The following PTCHD4 variants were observed in gnomAD, a reference collection of about 807,000 sequenced individuals.
PTCHD4 encodes patched domain containing 4, also known as patched domain-containing protein 4.
Under a neutral mutation model 58.1 loss-of-function variants are expected in PTCHD4, and 33 were observed. The observed-to-expected ratio is 0.57, with a 90% CI of 0.43 to 0.76. The LOEUF (loss-of-function observed/expected upper bound fraction) is 0.76. Ranked by LOEUF, PTCHD4 falls within the 30% of genes least tolerant of loss-of-function variation. The pLI is 0.00. For synonymous variants in PTCHD4, 478 were observed against 409.6 expected, an observed-to-expected ratio of 1.17 and a Z score of -2.02; for missense variants, 1,058 against 1,027.1, an observed-to-expected ratio of 1.03 and a Z score of -0.41.
At chr6:47,909,735 C>T (rs771865118) in intron 4 of PTCHD4, among the ~76,000 whole-genome samples, 2 of 152,086 alleles carry the variant, frequency 1.3e-5, no homozygotes, top group Non-Finnish European at 2.9e-5. Context: ...AGCCACCATG[C>T]CTGGACTTTT....
intron 3 of PTCHD4, among the ~76,000 whole-genome samples, chr6:48,009,887 C>T (rs1228755992): frequency 6.6e-6 from 1 of 152,042 alleles, no homozygotes; most frequent in African/African-American, 2.4e-5. Context: ...CAGAGTTTGA[C>T]ATGAGGTAGA....
At chr6:48,104,617 T>A (rs1439994466) in intron 1 of PTCHD4, among the ~76,000 whole-genome samples, 1 of 152,202 alleles carries the variant, frequency 6.6e-6, no homozygotes, top group Non-Finnish European at 1.5e-5. Flanking sequence ...ACCTTAAATG[T>A]AAATGGGCTA....
At chr6:47,980,459 C>T (rs374981402) in intron 4 of PTCHD4, among the ~76,000 whole-genome samples, 1 of 152,022 alleles carries the variant, frequency 6.6e-6, no homozygotes, top group African/African-American at 2.4e-5. Context: ...TTATGTAAAA[C>T]CTTGAAAATT....
chr6:48,072,824 C>T (rs1281410812), intron 1 of PTCHD4, among the ~76,000 whole-genome samples: 1 of 152,042 alleles, frequency 6.6e-6, no homozygotes, highest in Non-Finnish European at 1.5e-5. Context: ...TTCCTGCAAC[C>T]TCCCATTTCT....
intron 3 of PTCHD4, among the ~76,000 whole-genome samples, chr6:48,030,957 G>C (rs937017195): frequency 2.6e-5 from 4 of 152,060 alleles, no homozygotes; most frequent in African/African-American, 9.7e-5. Flanking sequence ...TAATGGATAA[G>C]ACTATCTGAT....
At chr6:48,106,541 C>G (rs1407646206) in intron 1 of PTCHD4, among the ~76,000 whole-genome samples, 1 of 152,130 alleles carries the variant, frequency 6.6e-6, no homozygotes, top group African/African-American at 2.4e-5. Context: ...AAAACTGGCA[C>G]AAGACAGGGA....
Position 48,069,085 on chromosome 6 carries a change from G to A in PTCHD4, c.-128C>T, listed in dbSNP as rs928149176. Among the ~76,000 whole-genome samples, 17 of 140,584 alleles carry A rather than the reference G, an allele frequency of 1.2e-4. No homozygotes were observed. The highest frequency in any genetic ancestry group is 9.6e-4 in the Admixed American group (13 of 13,592). The allele number at this position is 140,584 out of a possible 152,430, so 92.2% of individuals were successfully genotyped here. On this transcript the variant is annotated 5_prime_UTR_variant, in exon 2 of 5. Coordinates refer to ENST00000339488, the MANE Select transcript of PTCHD4 (RefSeq NM_001384253.1). ...CCTCTCTGTCTTGGTGGGGTTCGGTGCCTAACTGGAACCATGTGCCTCGGT... is the reference window on the plus strand; with the variant it reads ...CCTCTCTGTCTTGGTGGGGTTCGGTACCTAACTGGAACCATGTGCCTCGGT...
intron 4 of PTCHD4, among the ~76,000 whole-genome samples, chr6:47,997,201 T>G (rs1347359334): frequency 6.6e-6 from 1 of 152,178 alleles, no homozygotes; most frequent in African/African-American, 2.4e-5. Context: ...GTGATCTTAT[T>G]TGGTTTTCAT....
chr6:48,001,938 A>G (rs1264279664), intron 4 of PTCHD4, among the ~76,000 whole-genome samples: 4 of 152,252 alleles, frequency 2.6e-5, no homozygotes. Context: ...CCCCATCAAC[A>G]AGTGGGTGAA....
intron 1 of PTCHD4, among the ~76,000 whole-genome samples, chr6:48,105,149 A>C (rs1406385758): frequency 1.3e-5 from 2 of 152,202 alleles, no homozygotes; most frequent in Non-Finnish European, 2.9e-5. Context: ...CAGAATATAC[A>C]TTCTTTTCAG....
intron 4 of PTCHD4, among the ~76,000 whole-genome samples, chr6:47,927,357 T>C (rs553413719): frequency 1.3e-5 from 2 of 152,286 alleles, no homozygotes; most frequent in African/African-American, 2.4e-5. Context: ...CCGTAGCCTA[T>C]CTGCAAGATG....
intron 4 of PTCHD4, among the ~76,000 whole-genome samples, chr6:47,934,157 G>A (rs1399751851): frequency 6.6e-6 from 1 of 152,122 alleles, no homozygotes; most frequent in African/African-American, 2.4e-5. Context: ...CCCACTGATG[G>A]GGAGCCTCAG....
chr6:47,881,471 A>G (rs1324143894), intron 4 of PTCHD4, among the ~76,000 whole-genome samples: 1 of 152,146 alleles, frequency 6.6e-6, no homozygotes, highest in African/African-American at 2.4e-5. Context: ...TTTTGTTTGA[A>G]ATAGTATAAT....
At chr6:47,994,181 C>T (rs1209125922) in intron 4 of PTCHD4, among the ~76,000 whole-genome samples, 1 of 152,012 alleles carries the variant, frequency 6.6e-6, no homozygotes, top group Non-Finnish European at 1.5e-5. Flanking sequence ...GTGATGCAGT[C>T]CATAGGAATC....
intron 4 of PTCHD4, among the ~76,000 whole-genome samples, chr6:47,909,228 C>A (rs1287001081): frequency 1.3e-5 from 2 of 152,116 alleles, no homozygotes; most frequent in African/African-American, 2.4e-5. Flanking sequence ...ACACATCAAA[C>A]ACCTAGAGAC....
chr6:47,947,389 T>A (rs1766465667), intron 4 of PTCHD4, among the ~76,000 whole-genome samples: 2 of 152,164 alleles, frequency 1.3e-5, no homozygotes, highest in South Asian at 4.1e-4. Context: ...TATTCTCTTT[T>A]ATTCATGTTT....
rs543720708 is a variant in PTCHD4 at position 48,020,493 on chromosome 6, C to T, written c.418-11379G>A. Among the ~76,000 whole-genome samples the T allele has an allele frequency of 8.5e-4, 129 of 151,230 alleles. No individual in the cohort carries two copies. In the Middle Eastern group the frequency reaches 0.014, roughly 16 times the overall value. Reference sequence around the variant, plus strand: ...TATTAGGTTGCTGCAAAAGTAATTGCGGTTTTTGCTACTTTCGTTGGCAAA... The same window carrying T: ...TATTAGGTTGCTGCAAAAGTAATTGTGGTTTTTGCTACTTTCGTTGGCAAA... On this transcript the variant is annotated intron_variant, in intron 3 of 4. Transcript: ENST00000339488.
chr6:47,984,497 T>C (rs1459218612), intron 4 of PTCHD4, among the ~76,000 whole-genome samples: 1 of 152,094 alleles, frequency 6.6e-6, no homozygotes, highest in Non-Finnish European at 1.5e-5. Flanking sequence ...CCTAGACATA[T>C]GGGGATTAAA....
At chr6:48,074,831 G>T (rs1765033514) in intron 1 of PTCHD4, among the ~76,000 whole-genome samples, 1 of 152,138 alleles carries the variant, frequency 6.6e-6, no homozygotes, top group Non-Finnish European at 1.5e-5. Flanking sequence ...ATGGAAAATA[G>T]AACTGTAATC....
Sources: gnomAD v4.1 joint callset for allele counts (sites outside exome capture counted in the v4.1 genomes callset) on GRCh38, gnomAD v4.1.1 for gene constraint, MANE v1.5 for transcripts, NCBI Gene and HGNC (gene_info 2026-07-23, HGNC 2026-07-21) for gene names.